DLGAP1: variants seen among roughly 807,000 people sequenced by gnomAD.
DLGAP1 encodes the protein DLG associated protein 1, also known as disks large-associated protein 1.
DLGAP1 carries 11 observed loss-of-function variants against 90.8 expected under a neutral mutation model. The ratio of observed to expected loss-of-function variants is 0.12; its 90% CI spans 0.08 to 0.20. The LOEUF (loss-of-function observed/expected upper bound fraction) is 0.20. DLGAP1 is among the 10% of genes least tolerant of loss of function. DLGAP1 has a pLI of 1.00. For synonymous variants in DLGAP1, 558 were observed against 540.7 expected (o/e 1.03, Z -0.44); for missense variants, 1,050 against 1,333.8 (o/e 0.79, Z 3.31).
intron 2 of DLGAP1, among the ~76,000 whole-genome samples, chr18:4,065,675 C>T (rs2075360391): frequency 1.3e-5 from 2 of 151,912 alleles, no homozygotes; most frequent in Non-Finnish European, 2.9e-5. Context: ...TCAGAGATGA[C>T]ACAAACAAAT....
chr18:3,979,563 G>A (rs2073679355), intron 3 of DLGAP1, among the ~76,000 whole-genome samples: 1 of 152,246 alleles, frequency 6.6e-6, no homozygotes, highest in Non-Finnish European at 1.5e-5. Context: ...CTAGAGAGGA[G>A]ACGAAGAGAT....
At chr18:4,224,826 T>C (rs1213580250) in intron 1 of DLGAP1, among the ~76,000 whole-genome samples, 1 of 152,120 alleles carries the variant, frequency 6.6e-6, no homozygotes, top group Non-Finnish European at 1.5e-5. Context: ...CTGCAGATTG[T>C]AGAGCCCTAA....
At chr18:3,957,634 C>T (rs1175276810) in intron 3 of DLGAP1, among the ~76,000 whole-genome samples, 1 of 152,106 alleles carries the variant, frequency 6.6e-6, no homozygotes, top group Non-Finnish European at 1.5e-5. Context: ...AAAAAAATTA[C>T]ATTTTCTGCT....
chr18:3,667,693 G>A (rs1305879950), intron 7 of DLGAP1, among the ~76,000 whole-genome samples: 2 of 152,158 alleles, frequency 1.3e-5, no homozygotes. Flanking sequence ...CCAGGTCGGT[G>A]TGACTGGACC....
chr18:3,974,895 A>T lies in DLGAP1; in HGVS notation c.-73+30221T>A, dbSNP rs551788772. Reference sequence around the variant, plus strand: ...CAACATGGATAAACCTTGAGGACATAAAAAAAAAATAAAAATAAAAATTAA... The same window carrying T: ...CAACATGGATAAACCTTGAGGACATTAAAAAAAAATAAAAATAAAAATTAA... On this transcript the variant is annotated intron_variant, in intron 3 of 12. Coordinates refer to ENST00000315677, the MANE Select transcript of DLGAP1 (RefSeq NM_004746.4). 3.5e-4 allele frequency among the ~76,000 whole-genome samples: 26 copies of T among 74,460 alleles called. 1 individual carries two copies. In the East Asian group the frequency reaches 7.2e-3, roughly 21 times the overall value. 48.8% of individuals were successfully genotyped at this position (74,460 alleles called of 152,430 possible).
intron 1 of DLGAP1, among the ~76,000 whole-genome samples, chr18:4,194,724 T>G (rs1311310693): frequency 1.3e-5 from 2 of 152,246 alleles, no homozygotes; most frequent in Non-Finnish European, 2.9e-5. Context: ...ATACCAGTTT[T>G]GAAATTTTAA....
At chr18:4,260,334 ATACAGT>A (rs2078978384) in intron 1 of DLGAP1, among the ~76,000 whole-genome samples, 1 of 152,234 alleles carries the variant, frequency 6.6e-6, no homozygotes, top group African/African-American at 2.4e-5. Context: ...GGTTACAGTT[ATACAGT>A]TACCTTACCA....
intron 5 of DLGAP1, among the ~76,000 whole-genome samples, chr18:3,772,350 T>TTCTTTCTTTCTTTCTC (rs1568108662): frequency 0.019 from 38 of 2,018 alleles, 2 homozygotes; most frequent in African/African-American, 0.05. Context: ...CTCTCTCTCT[T>TTCTTTCTTTCTTTCTC]TCTTTCTTTC....
chr18:4,439,845 G>A (rs190559832), intron 1 of DLGAP1, among the ~76,000 whole-genome samples: 124 of 152,112 alleles, frequency 8.2e-4, no homozygotes, highest in African/African-American at 2.9e-3. Context: ...ATGGCCGGGC[G>A]CAGTGGCTCA....
chr18:3,696,194 C>T (rs2061085277), intron 7 of DLGAP1, among the ~76,000 whole-genome samples: 1 of 152,194 alleles, frequency 6.6e-6, no homozygotes, highest in Admixed American at 6.5e-5. Context: ...TTATTTCTTT[C>T]TCTTGCCTGA....
intron 1 of DLGAP1, among the ~76,000 whole-genome samples, chr18:4,160,791 T>C (rs550728874): frequency 5.3e-5 from 8 of 152,268 alleles, no homozygotes; most frequent in African/African-American, 1.2e-4. Context: ...AATTCCTTAA[T>C]ATAAGCCTGT....
intron 5 of DLGAP1, among the ~76,000 whole-genome samples, chr18:3,759,654 G>C (rs1215863816): frequency 1.3e-5 from 2 of 152,182 alleles, no homozygotes; most frequent in African/African-American, 4.8e-5. Flanking sequence ...TGTGATTCCT[G>C]CCCCTGGGAA....
intron 1 of DLGAP1, among the ~76,000 whole-genome samples, chr18:4,196,872 GAAAAAT>G (rs2077507709): frequency 6.6e-6 from 1 of 151,886 alleles, no homozygotes; most frequent in Non-Finnish European, 1.5e-5. Flanking sequence ...AAGAAAATTA[GAAAAAT>G]AAAAATAAAA....
chr18:4,282,818 T>G (rs2079585893), intron 1 of DLGAP1, among the ~76,000 whole-genome samples: 1 of 152,168 alleles, frequency 6.6e-6, no homozygotes, highest in Non-Finnish European at 1.5e-5. Context: ...TAAAGTTCAG[T>G]TTTTAAAAAT....
At chr18:4,118,526 G>A (rs913857210) in intron 2 of DLGAP1, among the ~76,000 whole-genome samples, 3 of 152,150 alleles carry the variant, frequency 2.0e-5, no homozygotes, top group Non-Finnish European at 4.4e-5. Flanking sequence ...TTAGGTGGAG[G>A]AAAGGAATCC....
intron 7 of DLGAP1, among the ~76,000 whole-genome samples, chr18:3,606,229 G>C (rs1450605699): frequency 6.6e-6 from 1 of 152,234 alleles, no homozygotes; most frequent in East Asian, 1.9e-4. Context: ...GTGCCTTGAC[G>C]AGTCACCACG....
chr18:3,670,544 A>C (rs1380415190), intron 7 of DLGAP1, among the ~76,000 whole-genome samples: 1 of 152,248 alleles, frequency 6.6e-6, no homozygotes. Context: ...CCCTGCAGAA[A>C]GAAATTCATC....
rs1419757568 is a variant in DLGAP1, at chr18:3,497,764, A to ACTGC, written c.*1417_*1420dup. The ACTGC allele has an allele frequency of 1.3e-5, 2 of 152,224 alleles. No homozygotes were observed. Among genetic ancestry groups the ACTGC allele is most frequent in the Non-Finnish European group, 2.9e-5 (2 of 68,042 alleles). 9.4% of individuals were successfully genotyped at this position (152,224 alleles called of 1,614,324 possible). On this transcript the variant is annotated 3_prime_UTR_variant, in exon 13 of 13. Coordinates refer to ENST00000315677, the MANE Select transcript of DLGAP1 (RefSeq NM_004746.4). ...CAACTTCAGCTAGACACCGATGCAT[A>ACTGC]CTGCCCATCAATCAAGACTAAAAAT...
intron 4 of DLGAP1, among the ~76,000 whole-genome samples, chr18:3,867,775 G>A (rs1232623584): frequency 6.6e-6 from 1 of 151,444 alleles, no homozygotes; most frequent in Admixed American, 6.6e-5. Context: ...AATAAAACTT[G>A]TTTTTTTTTA....
Sources: gnomAD v4.1 joint callset for allele counts (sites outside exome capture counted in the v4.1 genomes callset) on GRCh38, gnomAD v4.1.1 for gene constraint, MANE v1.5 for transcripts, NCBI Gene and HGNC (gene_info 2026-07-23, HGNC 2026-07-21) for gene names.